Variants in DAB1 observed in about 807,000 individuals in gnomAD.
DAB1 encodes DAB adaptor protein 1, also known as disabled homolog 1.
A neutral mutation model predicts 64.6 loss-of-function variants in DAB1; 15 were observed. The observed-to-expected ratio is 0.23, with a 90% CI of 0.16 to 0.36. The LOEUF (loss-of-function observed/expected upper bound fraction) is 0.36. Ranked by LOEUF, DAB1 falls within the 10% of genes least tolerant of loss-of-function variation. The probability of loss-of-function intolerance (pLI) is 1.00; values close to 1 mark genes in which losing one functional copy is unlikely to be tolerated. For missense variants in DAB1, 596 were observed against 706.7 expected, an observed-to-expected ratio of 0.84 and a Z score of 1.78; for synonymous variants, 235 against 251.9, an observed-to-expected ratio of 0.93 and a Z score of 0.64.
At chr1:57,590,673 T>C (rs186326842) in intron 7 of DAB1, among the ~76,000 whole-genome samples, 1 of 150,704 alleles carries the variant, frequency 6.6e-6, no homozygotes, top group African/African-American at 2.4e-5. Flanking sequence ...AATACAGTCA[T>C]GCTGGGGGTT....
intron 5 of DAB1, among the ~76,000 whole-genome samples, chr1:58,114,204 G>A (rs143368103): frequency 5.9e-5 from 9 of 152,252 alleles, no homozygotes; most frequent in Non-Finnish European, 1.0e-4. Context: ...GGAGGTTGCA[G>A]TGAGCTGAGA....
At chr1:57,413,990 C>A (rs186268271) in intron 1 of DAB1, among the ~76,000 whole-genome samples, 57 of 152,264 alleles carry the variant, frequency 3.7e-4, no homozygotes, top group Admixed American at 1.1e-3. Context: ...CATGCTACAA[C>A]TTTAGCGGAT....
chr1:57,894,707 C>T (rs1353940071), intron 5 of DAB1, among the ~76,000 whole-genome samples: 1 of 152,110 alleles, frequency 6.6e-6, no homozygotes, highest in Non-Finnish European at 1.5e-5. Context: ...GAAAAGATCA[C>T]CCTGGCTGCC....
chr1:58,460,182 G>A (rs1645229573), intron 3 of DAB1, among the ~76,000 whole-genome samples: 1 of 151,882 alleles, frequency 6.6e-6, no homozygotes, highest in African/African-American at 2.4e-5. Context: ...CAAAGTCTAG[G>A]CATATATATA....
At chr1:57,438,689 C>T (rs1017513307) in intron 7 of DAB1, among the ~76,000 whole-genome samples, 11 of 152,154 alleles carry the variant, frequency 7.2e-5, no homozygotes, top group African/African-American at 2.4e-4. Flanking sequence ...AGTAACATCC[C>T]TTTATCTTCT....
intron 7 of DAB1, among the ~76,000 whole-genome samples, chr1:57,508,842 A>T (rs1644376149): frequency 6.6e-6 from 1 of 152,152 alleles, no homozygotes; most frequent in Admixed American, 6.5e-5. Flanking sequence ...GAATATTTAT[A>T]TATGTATATG....
Position 57,303,554 on chromosome 1 carries a change from T to C in DAB1, c.-136-12388A>G, listed in dbSNP as rs74808979. Among the ~76,000 whole-genome samples the C allele has an allele frequency of 6.7e-3, 1,019 of 152,150 alleles. 3 individuals carry two copies. The highest frequency in any genetic ancestry group is 0.011 in the Non-Finnish European group (737 of 68,006). ...AGACTCTATCCACTGGTAGAGAGACTAGAAGTGAAAAGATGAACAGGGAGA... is the reference window on the plus strand; with the variant it reads ...AGACTCTATCCACTGGTAGAGAGACCAGAAGTGAAAAGATGAACAGGGAGA... On this transcript the variant is annotated intron_variant, in intron 1 of 14. Transcript: ENST00000371236.
intron 5 of DAB1, among the ~76,000 whole-genome samples, chr1:58,076,316 CAGG>C (rs1649638653): frequency 6.6e-6 from 1 of 152,122 alleles, no homozygotes; most frequent in Admixed American, 6.5e-5. Flanking sequence ...AGGTGATAAG[CAGG>C]AGATCAGAGA....
At chr1:57,739,426 ACTCCCCTCCCCTCCCCTCCCCTCCC>A (rs1557452975) in intron 6 of DAB1, among the ~76,000 whole-genome samples, 10 of 13,324 alleles carry the variant, frequency 7.5e-4, no homozygotes, top group South Asian at 3.9e-3. Flanking sequence ...CCATAATCCA[ACTCCCCTCCCCTCCCCTCCCCTCCC>A]CTCCCCTTCC....
intron 6 of DAB1, among the ~76,000 whole-genome samples, chr1:57,754,899 A>G (rs1177185687): frequency 6.6e-6 from 1 of 152,076 alleles, no homozygotes; most frequent in African/African-American, 2.4e-5. Flanking sequence ...CAGATTCCCA[A>G]TGCACATTTT....
chr1:58,321,795 A>C (rs1026001033), intron 4 of DAB1, among the ~76,000 whole-genome samples: 4 of 152,256 alleles, frequency 2.6e-5, no homozygotes, highest in African/African-American at 9.6e-5. Context: ...GCAGCTCTGC[A>C]AGGCCTGCTG....
In DAB1 at chr1:57,139,847, A is replaced by G. The variant is rs1490757622; in HGVS notation, c.208-3206T>C. 5.9e-5 allele frequency among the ~76,000 whole-genome samples: 9 copies of G among 152,162 alleles called. 1 individual carries two copies. The highest frequency in any genetic ancestry group is 5.2e-4 in the Admixed American group (8 of 15,272). ...AGAAGGATGGAAAAAGCCAACATAC[A>G]TGTTCCAGGAGCATTTCCACTTGGG... On this transcript the variant is annotated intron_variant, in intron 3 of 14. Transcript: ENST00000371236.
intron 6 of DAB1, among the ~76,000 whole-genome samples, chr1:57,670,650 T>C (rs141596076): frequency 2.5e-4 from 38 of 152,236 alleles, no homozygotes; most frequent in African/African-American, 8.4e-4. Context: ...TAAAATCCTA[T>C]TGCCTAATTA....
At chr1:57,780,576 A>G (rs538774151) in intron 6 of DAB1, among the ~76,000 whole-genome samples, 1 of 111,954 alleles carries the variant, frequency 8.9e-6, no homozygotes, top group South Asian at 3.6e-4. Flanking sequence ...TGAAAAGTGG[A>G]AGACAAAAAA....
At chr1:57,763,166 A>G (rs1367261938) in intron 6 of DAB1, among the ~76,000 whole-genome samples, 2 of 152,184 alleles carry the variant, frequency 1.3e-5, no homozygotes, top group African/African-American at 2.4e-5. Context: ...CCCAAATGAG[A>G]TTGAATGGTT....
chr1:57,533,357 T>C (rs1644687304), intron 7 of DAB1, among the ~76,000 whole-genome samples: 2 of 152,000 alleles, frequency 1.3e-5, no homozygotes, highest in African/African-American at 2.4e-5. Context: ...ACACCTGGCA[T>C]AATATTTTAA....
chr1:58,542,459 AT>A (rs1320525143), intron 1 of DAB1: 1 of 152,200 alleles, frequency 6.6e-6, no homozygotes, highest in African/African-American at 2.4e-5. Flanking sequence ...GGATAATAAA[AT>A]TCAGTTATTA....
At chr1:57,032,801 T>C (rs925141379) in intron 9 of DAB1, among the ~76,000 whole-genome samples, 1 of 152,232 alleles carries the variant, frequency 6.6e-6, no homozygotes, top group African/African-American at 2.4e-5. Flanking sequence ...GTAATATTCA[T>C]TGGCTTCTGT....
intron 3 of DAB1, among the ~76,000 whole-genome samples, chr1:58,414,926 T>C (rs988631560): frequency 1.3e-5 from 2 of 152,068 alleles, no homozygotes; most frequent in South Asian, 4.1e-4. Context: ...TAATAGAAAA[T>C]ATTTGGGTAA....
Sources: gnomAD v4.1 joint callset for allele counts (sites outside exome capture counted in the v4.1 genomes callset) on GRCh38, gnomAD v4.1.1 for gene constraint, MANE v1.5 for transcripts, NCBI Gene and HGNC (gene_info 2026-07-23, HGNC 2026-07-21) for gene names.